MITF: variants seen among roughly 807,000 people sequenced by gnomAD.
MITF encodes the protein melanocyte inducing transcription factor.
In MITF, 17 loss-of-function variants were observed where a neutral mutation model predicts 60.5. The ratio of observed to expected loss-of-function variants is 0.28; its 90% confidence interval spans 0.19 to 0.42. MITF has a LOEUF of 0.42. Ranked by LOEUF, MITF falls within the 10% of genes least tolerant of loss-of-function variation. The pLI is 1.00. For synonymous variants in MITF, 260 were observed against 248.5 expected, an observed-to-expected ratio of 1.05 and a Z score of -0.43; for missense variants, 622 against 683.5, an observed-to-expected ratio of 0.91 and a Z score of 1.00.
chr3:69,739,590 CG>C lies in MITF; in HGVS notation c.-5del. On this transcript the variant is annotated 5_prime_UTR_variant, in exon 1 of 10. Coordinates refer to ENST00000352241, the MANE Select transcript of MITF (RefSeq NM_001354604.2). ...TTTCCAGCAGTGGAAGGACGGGAAG[CG>C]GGAGCCATGCAGTCCGAATCGGGGA... The C allele has an allele frequency of 3.2e-6, 5 of 1,564,150 alleles. No individual in the cohort carries two copies. The highest frequency in any genetic ancestry group is 4.3e-6 in the Non-Finnish European group (5 of 1,152,214).
chr3:69,948,599 G>A (rs2066159969), intron 5 of MITF, among the ~76,000 whole-genome samples: 1 of 150,976 alleles, frequency 6.6e-6, no homozygotes, highest in South Asian at 2.1e-4. Context: ...GTGAGAAGAA[G>A]AGGTGGATAC....
intron 1 of MITF, among the ~76,000 whole-genome samples, chr3:69,744,967 T>G (rs1703667315): frequency 1.3e-5 from 2 of 152,214 alleles, no homozygotes; most frequent in South Asian, 4.1e-4. Context: ...TTATTGAGTA[T>G]GTACTATGTG....
intron 2 of MITF, among the ~76,000 whole-genome samples, chr3:69,910,322 A>C (rs560267303): frequency 1.3e-5 from 2 of 152,220 alleles, no homozygotes; most frequent in African/African-American, 2.4e-5. Context: ...AAAGTTTGCT[A>C]TAGGGGTGGG....
chr3:69,916,365 A>T (rs1007414779), intron 2 of MITF, among the ~76,000 whole-genome samples: 4 of 152,110 alleles, frequency 2.6e-5, no homozygotes, highest in African/African-American at 9.7e-5. Flanking sequence ...TTGGCATCTG[A>T]ATGTTGTATT....
chr3:69,821,778 CACTT>C (rs1486283010), intron 1 of MITF, among the ~76,000 whole-genome samples: 1 of 151,330 alleles, frequency 6.6e-6, no homozygotes, highest in Non-Finnish European at 1.5e-5. Flanking sequence ...GACTGAGTCT[CACTT>C]ACTCTGTTGC....
At chr3:69,802,901 C>G (rs1358258109) in intron 1 of MITF, among the ~76,000 whole-genome samples, 1 of 151,320 alleles carries the variant, frequency 6.6e-6, no homozygotes, top group Non-Finnish European at 1.5e-5. Flanking sequence ...CCTCAGCCTC[C>G]CTAGTAGCTG....
intron 1 of MITF, among the ~76,000 whole-genome samples, chr3:69,856,170 T>C (rs2063915071): frequency 6.6e-6 from 1 of 152,196 alleles, no homozygotes; most frequent in South Asian, 2.1e-4. Flanking sequence ...TAATCTCGTT[T>C]CCACTGAAAG....
intron 1 of MITF, among the ~76,000 whole-genome samples, chr3:69,859,733 A>G (rs2063979497): frequency 6.6e-6 from 1 of 152,146 alleles, no homozygotes; most frequent in Admixed American, 6.5e-5. Flanking sequence ...CCTAAAAGAT[A>G]GGCAGAGACA....
intron 9 of MITF, among the ~76,000 whole-genome samples, chr3:69,964,149 G>GTATTTT (rs1431482905): frequency 1.2e-3 from 189 of 151,842 alleles, no homozygotes; most frequent in African/African-American, 4.4e-3. Context: ...GCTAATTTTT[G>GTATTTT]TATTTTTAGT....
intron 2 of MITF, among the ~76,000 whole-genome samples, chr3:69,913,669 T>A (rs984824859): frequency 2.0e-5 from 3 of 152,150 alleles, no homozygotes; most frequent in Admixed American, 1.3e-4. Flanking sequence ...ATAGCACAGC[T>A]CATTGGACAG....
At chr3:69,752,619 C>T (rs917737724) in intron 1 of MITF, among the ~76,000 whole-genome samples, 1 of 152,180 alleles carries the variant, frequency 6.6e-6, no homozygotes, top group South Asian at 2.1e-4. Context: ...CTGGCTGCTC[C>T]TAACAACCTA....
chr3:69,878,079 A>G (rs919372348), intron 1 of MITF, among the ~76,000 whole-genome samples: 2 of 152,224 alleles, frequency 1.3e-5, no homozygotes, highest in Non-Finnish European at 2.9e-5. Flanking sequence ...TCATTGTACT[A>G]GGGCATTTAT....
intron 1 of MITF, among the ~76,000 whole-genome samples, chr3:69,755,500 G>A (rs1201619577): frequency 2.8e-5 from 3 of 105,324 alleles, no homozygotes; most frequent in Non-Finnish European, 5.2e-5. Context: ...CCACTTTAGA[G>A]ACTAGGATAT....
chr3:69,903,491 A>C (rs951165488), intron 2 of MITF, among the ~76,000 whole-genome samples: 18 of 152,128 alleles, frequency 1.2e-4, no homozygotes, highest in African/African-American at 4.3e-4. Context: ...TGGACAGGGG[A>C]GGCATTGAGC....
intron 1 of MITF, among the ~76,000 whole-genome samples, chr3:69,815,262 G>GC (rs1275086181): frequency 6.6e-6 from 1 of 152,062 alleles, no homozygotes; most frequent in Admixed American, 6.6e-5. Context: ...AGCAACCCAG[G>GC]CCTACCAAGT....
chr3:69,803,493 A>T (rs948494212), intron 1 of MITF, among the ~76,000 whole-genome samples: 1 of 152,156 alleles, frequency 6.6e-6, no homozygotes, highest in Non-Finnish European at 1.5e-5. Flanking sequence ...TTTACTTTTA[A>T]TAATTATTTT....
At chr3:69,949,864 C>T (rs1330533700) in intron 6 of MITF, among the ~76,000 whole-genome samples, 1 of 152,098 alleles carries the variant, frequency 6.6e-6, no homozygotes, top group Non-Finnish European at 1.5e-5. Context: ...CCTTACCACA[C>T]CCCTCTTTTT....
chr3:69,741,359 G>T (rs1363122146), intron 1 of MITF, among the ~76,000 whole-genome samples: 1 of 152,102 alleles, frequency 6.6e-6, no homozygotes, highest in Non-Finnish European at 1.5e-5. Context: ...TGTGTGTGTG[G>T]AATCCTGAAA....
chr3:69,953,855 T>G (rs557479198), intron 7 of MITF, among the ~76,000 whole-genome samples: 128 of 151,826 alleles, frequency 8.4e-4, no homozygotes, highest in African/African-American at 2.8e-3. Flanking sequence ...TGAGCAAGGG[T>G]CAGAATAATA....
Sources: allele counts gnomAD v4.1 joint callset (sites outside exome capture counted in the v4.1 genomes callset), GRCh38; gene constraint gnomAD v4.1.1; transcripts MANE v1.5; gene names NCBI Gene and HGNC (gene_info 2026-07-23, HGNC 2026-07-21).